UBALD1: variants seen among roughly 807,000 people sequenced by gnomAD.
UBALD1 encodes UBA like domain containing 1.
UBALD1 carries 5 observed loss-of-function variants against 16.1 expected under a neutral mutation model. The observed-to-expected ratio is 0.31, with a 90% CI of 0.16 to 0.66. The LOEUF (loss-of-function observed/expected upper bound fraction) is 0.66. UBALD1 is among the 30% of genes least tolerant of loss of function. The probability of loss-of-function intolerance (pLI) is 0.77; values close to 1 mark genes in which losing one functional copy is unlikely to be tolerated. For missense variants in UBALD1, 220 were observed against 252.8 expected (o/e 0.87, Z 0.88); for synonymous variants, 146 against 105.3 (o/e 1.39, Z -2.37).
intron 1 of UBALD1, chr16:4,614,404 A>C: frequency 6.2e-6 from 2 of 322,884 alleles, no homozygotes; most frequent in East Asian, 4.8e-5. Flanking sequence ...TACCCGGACA[A>C]AAGGGGTGGG....
At chr16:4,613,623 G>A (rs534240468) in intron 1 of UBALD1, among the ~76,000 whole-genome samples, 38 of 152,302 alleles carry the variant, frequency 2.5e-4, no homozygotes, top group South Asian at 2.3e-3. Context: ...ATGGTACCGG[G>A]ATGGCTGAGG....
intron 1 of UBALD1, chr16:4,611,272 C>G (rs772786063): frequency 6.6e-6 from 1 of 152,474 alleles, no homozygotes; most frequent in Non-Finnish European, 1.5e-5. Flanking sequence ...GGGCTTTAGG[C>G]TCACTCGCTT....
chr16:4,612,017 C>T (rs528077096), intron 1 of UBALD1, among the ~76,000 whole-genome samples: 2 of 152,210 alleles, frequency 1.3e-5, no homozygotes, highest in East Asian at 3.9e-4. Context: ...AGCCTGGCTC[C>T]TGGGGCCTGC....
intron 2 of UBALD1, chr16:4,610,202 G>T: frequency 1.4e-6 from 1 of 712,386 alleles, no homozygotes; most frequent in East Asian, 2.7e-5. Context: ...CTGGGGCCAC[G>T]AGGCTTTCCC....
At chr16:4,614,368 C>T (rs2141788328) in intron 1 of UBALD1, 1 of 370,170 alleles carries the variant, frequency 2.7e-6, no homozygotes, top group East Asian at 4.1e-5. Context: ...CCGTCTGCAC[C>T]GCGGGGCCGC....
chr16:4,610,118 C>T (rs765455589), intron 2 of UBALD1, 135 bp from the exon 3 acceptor site: 113 of 804,090 alleles, frequency 1.4e-4, no homozygotes, highest in African/African-American at 2.4e-4. Context: ...CAAGCCTGTC[C>T]GCCGCCCAGG....
chr16:4,614,433 C>G (rs1458053541), intron 1 of UBALD1: 13 of 498,882 alleles, frequency 2.6e-5, no homozygotes, highest in Admixed American at 4.5e-5. Flanking sequence ...CCGTCTCGAT[C>G]CCGGGGGACT....
chr16:4,609,615 A>T lies in UBALD1; in HGVS notation c.*18T>A, dbSNP rs746251587. The T allele has an allele frequency of 1.1e-5, 13 of 1,158,880 alleles. No homozygotes were observed. The South Asian group carries it at 3.1e-4, about 28-fold the overall frequency. 71.8% of individuals were successfully genotyped at this position (1,158,880 alleles called of 1,614,324 possible). A position where few individuals can be genotyped will look rare whatever the true frequency, so the allele number is the denominator to read the frequency against. Reference sequence around the variant, plus strand: ...GCCCCACGGGGTCCTGGCCTCCGGGAGGGGGGAGGGGCCTCCCTTATCTCT... The same window carrying T: ...GCCCCACGGGGTCCTGGCCTCCGGGTGGGGGGAGGGGCCTCCCTTATCTCT... On this transcript the variant is annotated 3_prime_UTR_variant, in exon 3 of 3. Transcript: ENST00000283474.
At chr16:4,614,647 C>T in intron 1 of UBALD1, 31 bp downstream of exon 1, 2 of 1,463,954 alleles carry the variant, frequency 1.4e-6, no homozygotes, top group South Asian at 2.7e-5. Context: ...GCCCGTGGCC[C>T]CGGCCCTCGC....
intron 1 of UBALD1, 190 bp downstream of exon 1, chr16:4,614,488 C>A: frequency 4.0e-6 from 4 of 994,042 alleles, no homozygotes; most frequent in Middle Eastern, 3.4e-4. Context: ...TGGCCCGGTT[C>A]CCACCTCCGC....
rs1194566439 is a variant in UBALD1, at chr16:4,614,688, C to T, written c.110G>A (p.Trp37Ter). The change falls in exon 1 of 3, where the codon TGG becomes TAG. Residue 37 changes from tryptophan to a stop codon, truncating the protein, a stop_gained. Transcript: ENST00000283474. LOFTEE classifies it high-confidence loss of function. Reference sequence around the variant, plus strand: ...TCCGGCGCCGCGCACCTCGAACTGCCAGTGGGCCGCCTGCAGCAGTTGCTT... The same window carrying T: ...TCCGGCGCCGCGCACCTCGAACTGCTAGTGGGCCGCCTGCAGCAGTTGCTT... ...QAKQLLQAAHWQFETALSAFF... is the reference protein window; with the variant it reads ...QAKQLLQAAH The T allele has an allele frequency of 6.5e-7, 1 of 1,547,032 alleles. No homozygotes were observed. The highest frequency in any genetic ancestry group is 8.7e-7 in the Non-Finnish European group (1 of 1,149,406).
chr16:4,609,860 T>C lies in UBALD1; in HGVS notation c.307A>G (p.Thr103Ala). 1 of 1,516,580 alleles carries C rather than the reference T, an allele frequency of 6.6e-7. No individual in the cohort carries two copies. The allele number at this position is 1,516,580 out of a possible 1,614,324, so 93.9% of individuals were successfully genotyped here. A position where few individuals can be genotyped will look rare whatever the true frequency, so the allele number is the denominator to read the frequency against. Residue 103 changes from threonine (T) to alanine (A), a missense_variant, in exon 3 of 3, where the codon ACA (threonine) becomes GCA (alanine). By Grantham distance (58) the Thr-to-Ala change is moderately conservative. Around this residue, in one of 2 missense-constraint regions of UBALD1, gnomAD observed 151 missense variants for 132.6 expected, o/e 1.14. Transcript: ENST00000283474. ...SGGSGSPMAA[T>A]ATSPPPHFPH... ...AAGTGTGGCGGGGGTGACGTGGCTG[T>C]CGCGGCCATCGGGCTGCCGCTGCCA...
chr16:4,613,045 T>TGA (rs1897377412), intron 1 of UBALD1, among the ~76,000 whole-genome samples: 1 of 152,130 alleles, frequency 6.6e-6, no homozygotes, highest in Non-Finnish European at 1.5e-5. Flanking sequence ...AGGGCTGGGC[T>TGA]GAGTCCTGCA....
rs1373947957 is a variant in UBALD1, at chr16:4,609,794, G to A, written c.373C>T (p.Pro125Ser). 3 of 1,509,916 alleles carry A rather than the reference G, an allele frequency of 2.0e-6. No homozygotes were observed. The highest frequency in any genetic ancestry group is 2.8e-5 in the African/African-American group (2 of 71,242). 93.5% of individuals were successfully genotyped at this position (1,509,916 alleles called of 1,614,324 possible). Residue 125 changes from proline (P) to serine (S), a missense_variant, in exon 3 of 3, where the codon CCC (proline) becomes TCC (serine). Around this residue, in one of 2 missense-constraint regions of UBALD1, gnomAD observed 151 missense variants for 132.6 expected, o/e 1.14. Coordinates refer to ENST00000283474, the MANE Select transcript of UBALD1 (RefSeq NM_145253.3). ...ATSSSAASSW[P>S]TAASPPGGPQ... ...CCCCCCGGGGGCGAGGCCGCCGTGG[G>A]CCAGCTGGAGGCCGCAGAGCTGCTG...
chr16:4,610,593 C>T (rs1051365063), intron 1 of UBALD1, 38 bp from the exon 2 acceptor site: 3 of 1,590,250 alleles, frequency 1.9e-6, no homozygotes. Context: ...CTCCAGGCCC[C>T]CGCCGGCCCT....
intron 1 of UBALD1, 30 bp downstream of exon 1, chr16:4,614,648 C>G: frequency 1.4e-6 from 2 of 1,465,912 alleles, no homozygotes; most frequent in Non-Finnish European, 1.8e-6. Context: ...CCCGTGGCCC[C>G]GGCCCTCGCC....
rs779311794 is a variant in UBALD1 at position 4,609,687 on chromosome 16, G to A, written c.480C>T (p.Pro160=). ...SPASDWPPLA[P]QQATSEPRAH... is the part of the protein sequence containing the mutation. The stretch of plus-strand genomic sequence containing the variant: ...CCCTGGGTTCTGAGGTGGCCTGTTG[G>A]GGGGCCAGGGGTGGCCAGTCTGAAG... Residue 160 remains proline (P), a synonymous_variant, in exon 3 of 3, where the codon CCC becomes CCT. Transcript: ENST00000283474. 2 of 1,471,866 alleles carry A rather than the reference G, an allele frequency of 1.4e-6. No individual in the cohort carries two copies. The highest frequency in any genetic ancestry group is 2.9e-5 in the African/African-American group (2 of 69,014). 91.2% of individuals were successfully genotyped at this position (1,471,866 alleles called of 1,614,324 possible).
rs772516296 is a variant in UBALD1, at chr16:4,609,616, G to C, written c.*17C>G. ...CCCCACGGGGTCCTGGCCTCCGGGA[G>C]GGGGGAGGGGCCTCCCTTATCTCTC... On this transcript the variant is annotated 3_prime_UTR_variant, in exon 3 of 3. Transcript: ENST00000283474. 8.4e-7 allele frequency: 1 copy of C among 1,190,034 alleles called. No individual in the cohort carries two copies. Among genetic ancestry groups the C allele is most frequent in the Admixed American group, 2.8e-5 (1 of 35,112 alleles). 73.7% of individuals were successfully genotyped at this position (1,190,034 alleles called of 1,614,324 possible).
In UBALD1 at chr16:4,614,704, G is replaced by A. The variant is rs774228980; in HGVS notation, c.94C>T (p.Leu32=). The A allele has an allele frequency of 1.3e-6, 2 of 1,555,492 alleles. No individual in the cohort carries two copies. Among genetic ancestry groups the A allele is most frequent in the Non-Finnish European group, 1.7e-6 (2 of 1,153,480 alleles). Reference sequence around the variant, plus strand: ...TCGAACTGCCAGTGGGCCGCCTGCAGCAGTTGCTTCGCCTGGTCGGCCGCG... The same window carrying A: ...TCGAACTGCCAGTGGGCCGCCTGCAACAGTTGCTTCGCCTGGTCGGCCGCG... ...GCAADQAKQL[L]QAAHWQFETA... is the part of the protein sequence containing the mutation. The change falls in exon 1 of 3, where the codon CTG becomes TTG. Residue 32 remains leucine (L), a synonymous_variant. Transcript: ENST00000283474.
Sources: gnomAD v4.1 joint callset for allele counts (sites outside exome capture counted in the v4.1 genomes callset) on GRCh38, gnomAD v4.1.1 for gene constraint, gnomAD v4.1.1 regional missense constraint, MANE v1.5 for transcripts, NCBI Gene and HGNC (gene_info 2026-07-23, HGNC 2026-07-21) for gene names.